CSMD1: variants seen among roughly 807,000 people sequenced by gnomAD.
CSMD1 encodes CUB and sushi domain-containing protein 1.
CSMD1 carries 213 observed loss-of-function variants against 417.5 expected under a neutral mutation model. The ratio of observed to expected loss-of-function variants is 0.51; its 90% CI spans 0.46 to 0.57. CSMD1 has a LOEUF of 0.57. Ranked by LOEUF, CSMD1 falls within the 20% of genes least tolerant of loss-of-function variation. The probability of loss-of-function intolerance (pLI) is 0.00; values close to 1 mark genes in which losing one functional copy is unlikely to be tolerated. For missense variants in CSMD1, 6,923 were observed against 4,529.7 expected (o/e 1.53, Z -15.17); for synonymous variants, 2,862 against 1,736.8 (o/e 1.65, Z -16.11).
intron 3 of CSMD1, among the ~76,000 whole-genome samples, chr8:4,319,449 A>G (rs1026786501): frequency 2.6e-5 from 4 of 152,146 alleles, no homozygotes; most frequent in African/African-American, 9.7e-5. Context: ...CCAAAATCCA[A>G]ATAATAGCTA....
At chr8:3,982,313 A>G (rs112914408) in intron 5 of CSMD1, among the ~76,000 whole-genome samples, 1 of 151,818 alleles carries the variant, frequency 6.6e-6, no homozygotes, top group African/African-American at 2.4e-5. Flanking sequence ...AGCATAAATT[A>G]CACAATCCTT....
intron 6 of CSMD1, among the ~76,000 whole-genome samples, chr8:3,725,144 G>A (rs1802410356): frequency 6.6e-6 from 1 of 152,176 alleles, no homozygotes; most frequent in African/African-American, 2.4e-5. Flanking sequence ...AGATAGATAG[G>A]AAAGGGACTA....
chr8:3,891,040 T>C (rs151324170), intron 5 of CSMD1, among the ~76,000 whole-genome samples: 1 of 149,784 alleles, frequency 6.7e-6, no homozygotes, highest in African/African-American at 2.5e-5. Context: ...GCTTTTTTGT[T>C]TTTTTTTTGT....
intron 2 of CSMD1, among the ~76,000 whole-genome samples, chr8:4,585,611 T>G (rs975227544): frequency 6.6e-6 from 1 of 151,958 alleles, no homozygotes; most frequent in African/African-American, 2.4e-5. Context: ...AAGAGAAAAA[T>G]TTTAATCATA....
chr8:4,583,479 C>T (rs563581492), intron 2 of CSMD1, among the ~76,000 whole-genome samples: 3 of 151,514 alleles, frequency 2.0e-5, no homozygotes, highest in African/African-American at 7.3e-5. Flanking sequence ...CCTTGGAGAA[C>T]CTTTATGTCT....
intron 3 of CSMD1, among the ~76,000 whole-genome samples, chr8:4,418,797 T>C (rs1797089369): frequency 1.3e-5 from 2 of 152,074 alleles, no homozygotes; most frequent in African/African-American, 4.8e-5. Flanking sequence ...TATTCCTTGA[T>C]AGTAACGTAC....
intron 5 of CSMD1, among the ~76,000 whole-genome samples, chr8:3,936,990 C>G (rs913351515): frequency 1.3e-5 from 2 of 152,062 alleles, no homozygotes; most frequent in African/African-American, 4.8e-5. Flanking sequence ...TTTCAATCCT[C>G]GTGAATGACT....
intron 5 of CSMD1, among the ~76,000 whole-genome samples, chr8:3,916,461 T>G (rs2688311): frequency 6.6e-6 from 1 of 152,186 alleles, no homozygotes; most frequent in Non-Finnish European, 1.5e-5. Flanking sequence ...ACATTACTTA[T>G]ACATAAAGGC....
chr8:4,194,685 T>C (rs775071323), intron 3 of CSMD1, among the ~76,000 whole-genome samples: 3 of 152,168 alleles, frequency 2.0e-5, no homozygotes, highest in Non-Finnish European at 4.4e-5. Flanking sequence ...AAAAGGATCA[T>C]ACAACACAAA....
At chr8:4,281,862 A>G (rs1047457193) in intron 3 of CSMD1, among the ~76,000 whole-genome samples, 1 of 152,182 alleles carries the variant, frequency 6.6e-6, no homozygotes, top group African/African-American at 2.4e-5. Context: ...AACATGCATT[A>G]AAAAAATGTT....
At chr8:3,519,977 CTTCT>C (rs1203852410) in intron 10 of CSMD1, among the ~76,000 whole-genome samples, 1 of 147,224 alleles carries the variant, frequency 6.8e-6, no homozygotes, top group East Asian at 2.0e-4. Flanking sequence ...TTTTTTAAAA[CTTCT>C]TTATCTGTGT....
At chr8:3,668,915 G>C (rs1023420061) in intron 7 of CSMD1, among the ~76,000 whole-genome samples, 1 of 152,146 alleles carries the variant, frequency 6.6e-6, no homozygotes, top group Non-Finnish European at 1.5e-5. Context: ...CATCCCCTCA[G>C]CCATAGCTCT....
chr8:3,083,806 C>G (rs949875680), intron 49 of CSMD1, among the ~76,000 whole-genome samples: 4 of 150,934 alleles, frequency 2.7e-5, no homozygotes, highest in African/African-American at 9.7e-5. Context: ...ACTACAGGTG[C>G]ACACCACCAC....
Position 3,061,874 on chromosome 8 carries a change from A to G in CSMD1, c.7475-9227T>C, listed in dbSNP as rs150387620. On this transcript the variant is annotated intron_variant, in intron 49 of 69. Coordinates refer to ENST00000635120, the MANE Select transcript of CSMD1 (RefSeq NM_033225.6). ...TACTTGTAAGAAAAGTGGGCATTAG[A>G]ACATTATGCAAATCACCCACATTCT... Among the ~76,000 whole-genome samples, 4 of 152,274 alleles carry G rather than the reference A, an allele frequency of 2.6e-5. No individual in the cohort carries two copies. In the East Asian group the frequency reaches 7.7e-4, roughly 29 times the overall value.
At position 3,114,329 on chromosome 8, in the gene CSMD1, T is replaced by A. The variant is rs141352614; in HGVS notation, c.6431-3994A>T. On this transcript the variant is annotated intron_variant, in intron 42 of 69. Transcript: ENST00000635120. ...AGAGACTTATCATTTATAGATGGTTTTCTCTAGTATTATGTTAAGTTTTTT... is the reference window on the plus strand; with the variant it reads ...AGAGACTTATCATTTATAGATGGTTATCTCTAGTATTATGTTAAGTTTTTT... Among the ~76,000 whole-genome samples, 114 of 152,050 alleles carry A rather than the reference T, an allele frequency of 7.5e-4. 1 individual carries two copies. Among genetic ancestry groups the A allele is most frequent in the Admixed American group, 3.0e-3 (45 of 15,244 alleles).
intron 3 of CSMD1, among the ~76,000 whole-genome samples, chr8:4,270,355 C>T (rs1804509787): frequency 6.6e-6 from 1 of 152,136 alleles, no homozygotes; most frequent in African/African-American, 2.4e-5. Flanking sequence ...TCTGTTTCCA[C>T]TTCATCTCCT....
chr8:4,048,367 C>T (rs113916697), intron 3 of CSMD1, among the ~76,000 whole-genome samples: 3 of 152,186 alleles, frequency 2.0e-5, no homozygotes, highest in African/African-American at 7.2e-5. Flanking sequence ...TTAATAACAA[C>T]AGCTAACACA....
intron 9 of CSMD1, 32 bp downstream of exon 9, chr8:3,586,104 A>C: frequency 1.3e-6 from 2 of 1,594,986 alleles, no homozygotes; most frequent in Non-Finnish European, 8.5e-7. Flanking sequence ...AGAAAGAGAT[A>C]ATCCAGGCTT....
chr8:2,961,902 T>A (rs1803526853), intron 61 of CSMD1, among the ~76,000 whole-genome samples: 1 of 152,228 alleles, frequency 6.6e-6, no homozygotes, highest in Non-Finnish European at 1.5e-5. Flanking sequence ...CAGCAAATAT[T>A]CTTCTAATTA....
Sources: allele counts gnomAD v4.1 joint callset (sites outside exome capture counted in the v4.1 genomes callset), GRCh38; gene constraint gnomAD v4.1.1; transcripts MANE v1.5; gene names NCBI Gene and HGNC (gene_info 2026-07-23, HGNC 2026-07-21).